Variants in RBPJL observed in about 807,000 individuals in gnomAD.
The protein encoded by RBPJL is recombination signal binding protein for immunoglobulin kappa J region like.
RBPJL carries 50 observed loss-of-function variants against 57.6 expected under a neutral mutation model. The ratio of observed to expected loss-of-function variants is 0.87; its 90% CI spans 0.69 to 1.10. The LOEUF (loss-of-function observed/expected upper bound fraction) is 1.10, where lower values mean the gene tolerates loss of function less well. RBPJL is among the 50% of genes least tolerant of loss of function. The pLI, the probability that RBPJL is intolerant of heterozygous loss-of-function variation, is 0.00. For missense variants in RBPJL, 684 were observed against 693.7 expected, an observed-to-expected ratio of 0.99 and a Z score of 0.16; for synonymous variants, 303 against 294.4, an observed-to-expected ratio of 1.03 and a Z score of -0.30.
intron 7 of RBPJL, 45 bp from the exon 8 acceptor site, chr20:45,313,990 T>C (rs1410625385): frequency 7.2e-7 from 1 of 1,396,462 alleles, no homozygotes; most frequent in East Asian, 2.3e-5. Context: ...GGCAGAAGCT[T>C]GGGGGCCGCT....
intron 7 of RBPJL, 50 bp downstream of exon 7, chr20:45,313,655 TA>T (rs1987310875): frequency 6.6e-7 from 1 of 1,506,126 alleles, no homozygotes. Flanking sequence ...TGCATTAGCT[TA>T]TTTAACCTCC....
rs1023920620 is a variant in RBPJL at position 45,313,462 on chromosome 20, T to G, written c.620-6T>G. ...CTCACCCTAACCCTGACCCTCACCC[T>G]CACAGTGTGCATATCCTCCGGCTCA... is the stretch of plus-strand genomic sequence containing the variant. On this transcript the variant is annotated splice_polypyrimidine_tract_variant and splice_region_variant and intron_variant, in intron 6 of 11. Transcript: ENST00000343694. 7 of 1,606,810 alleles carry G rather than the reference T, an allele frequency of 4.4e-6. No homozygotes were observed. Among genetic ancestry groups the G allele is most frequent in the Non-Finnish European group, 6.0e-6 (7 of 1,176,150 alleles).
chr20:45,307,112 C>A (rs1986776354), intron 1 of RBPJL, among the ~76,000 whole-genome samples, 168 bp downstream of exon 1: 1 of 151,734 alleles, frequency 6.6e-6, no homozygotes, highest in Non-Finnish European at 1.5e-5. Context: ...CCCCTTCTCT[C>A]TCTTGAGGCC....
At chr20:45,309,782 G>C in intron 3 of RBPJL, 90 bp downstream of exon 3, 1 of 1,539,128 alleles carries the variant, frequency 6.5e-7, no homozygotes, top group Non-Finnish European at 8.8e-7. Flanking sequence ...TTTAGACGCA[G>C]AGCAGGCCTC....
Position 45,311,943 on chromosome 20 carries a change from C to A in RBPJL, c.433C>A (p.Pro145Thr). 4 of 1,550,950 alleles carry A rather than the reference C, an allele frequency of 2.6e-6. No individual in the cohort carries two copies. In the South Asian group the frequency reaches 3.6e-5, roughly 14 times the overall value. The change falls in exon 5 of 12, where the codon CCG becomes ACG. Residue 145 changes from proline to threonine, a missense_variant. Physicochemically the swap from Pro to Thr is conservative, Grantham distance 38 (BLOSUM62 -1). Transcript: ENST00000343694. ...ETQKLNFEQQ[P>T]DSREFGCAKT... ...GCAGAAGCTGAATTTCGAGCAGCAG[C>A]CGGACTCCAGGGTGAGAGCGCACGG...
intron 9 of RBPJL, among the ~76,000 whole-genome samples, chr20:45,315,727 C>T (rs1458484385): frequency 5.6e-5 from 7 of 124,178 alleles, no homozygotes; most frequent in Non-Finnish European, 1.1e-4. Flanking sequence ...GGCGACAGAG[C>T]GAGATTCAGT....
In RBPJL at chr20:45,313,592, C is replaced by T; in HGVS notation, c.744C>T (p.Phe248=). ...CCAGTGCACGACAGTGGGCTGCCTT[C>T]ACGCTCCACCTGGGTAATGACATCT... ...FVASARQWAA[F]TLHLADGHSA... The change falls in exon 7 of 12, where the codon TTC becomes TTT. Residue 248 remains phenylalanine, a synonymous_variant. Coordinates refer to ENST00000343694, the MANE Select transcript of RBPJL (RefSeq NM_014276.4). The T allele has an allele frequency of 6.2e-7, 1 of 1,609,702 alleles. No individual in the cohort carries two copies. Among genetic ancestry groups the T allele is most frequent in the South Asian group, 1.1e-5 (1 of 90,514 alleles).
In RBPJL at chr20:45,316,943, T is replaced by C. The variant is rs1295499964; in HGVS notation, c.1538T>C (p.Leu513Pro). ...GAGTTCACGCGCACCAACTTCCACC[T>C]CTTCATCCAGACTTAGGCGCGCCCG... ...HQEFTRTNFHLFIQT is the reference protein window; with the variant it reads ...HQEFTRTNFHPFIQT The change falls in exon 12 of 12, where the codon CTC becomes CCC. Residue 513 changes from leucine to proline, a missense_variant. Coordinates refer to ENST00000343694, the MANE Select transcript of RBPJL (RefSeq NM_014276.4). 1 of 1,612,076 alleles carries C rather than the reference T, an allele frequency of 6.2e-7. No homozygotes were observed. The highest frequency in any genetic ancestry group is 8.5e-7 in the Non-Finnish European group (1 of 1,178,744).
intron 4 of RBPJL, 49 bp from the exon 5 acceptor site, chr20:45,311,790 A>T: frequency 1.3e-6 from 2 of 1,529,282 alleles, no homozygotes; most frequent in Non-Finnish European, 1.8e-6. Context: ...CTTGCCTGGC[A>T]CCTGCGTCCT....
rs1223483260 is a variant in RBPJL, at chr20:45,311,138, G to A, written c.258-451G>A. Among the ~76,000 whole-genome samples the A allele has an allele frequency of 6.2e-5, 9 of 145,366 alleles. No individual in the cohort carries two copies. The South Asian group carries it at 6.5e-4, about 10-fold the overall frequency. Reference sequence around the variant, plus strand: ...CCTCAAAAAAAAAAAAAAAGAAAAAGAAAAAGAAAGAAACAGGAAGGAAGG... The same window carrying A: ...CCTCAAAAAAAAAAAAAAAGAAAAAAAAAAAGAAAGAAACAGGAAGGAAGG... On this transcript the variant is annotated intron_variant, in intron 3 of 11. Transcript: ENST00000343694.
chr20:45,311,449 T>C, intron 3 of RBPJL, 140 bp from the exon 4 acceptor site: 1 of 721,082 alleles, frequency 1.4e-6, no homozygotes, highest in Non-Finnish European at 2.4e-6. Flanking sequence ...ATGAATGGGG[T>C]TTACAGTCGT....
At chr20:45,316,402 G>T in intron 10 of RBPJL, 60 bp downstream of exon 10, 2 of 1,596,576 alleles carry the variant, frequency 1.3e-6, no homozygotes, top group Non-Finnish European at 1.7e-6. Context: ...GGCAGTGGTG[G>T]TGCTAGTGAG....
chr20:45,312,391 C>A lies in RBPJL; in HGVS notation c.615C>A (p.Thr205=). The A allele has an allele frequency of 1.2e-6, 2 of 1,613,012 alleles. No homozygotes were observed. Among genetic ancestry groups the A allele is most frequent in the African/African-American group, 1.3e-5 (1 of 75,044 alleles). The part of the protein sequence containing the change: ...PSQKKQSLKN[T]DLCISSGSKV... ...AGAAGAAGCAGTCGCTGAAAAACAC[C>A]GATCGTGAGCAGGGCGGGGCCTGAC... Residue 205 remains threonine (T), a synonymous_variant, in exon 6 of 12, where the codon ACC becomes ACA. Transcript: ENST00000343694.
intron 1 of RBPJL, 25 bp downstream of exon 1, chr20:45,306,969 C>T: frequency 1.6e-6 from 2 of 1,247,764 alleles, no homozygotes; most frequent in Non-Finnish European, 2.0e-6. Context: ...TCCCGAGGCC[C>T]CGGAGACGCC....
At chr20:45,314,306 T>C (rs982843925) in intron 8 of RBPJL, 107 bp from the exon 9 acceptor site, 2 of 1,359,306 alleles carry the variant, frequency 1.5e-6, no homozygotes, top group Admixed American at 3.6e-5. Context: ...AGGGGGAATC[T>C]GCTAGTGCCT....
At chr20:45,312,841 A>AAAAAAG (rs1987255700) in intron 6 of RBPJL, among the ~76,000 whole-genome samples, 1 of 150,752 alleles carries the variant, frequency 6.6e-6, no homozygotes, top group East Asian at 1.9e-4. Context: ...AAAAAAAAAA[A>AAAAAAG]AAAAAGAAAA....
At chr20:45,313,635 G>T in intron 7 of RBPJL, 30 bp downstream of exon 7, 1 of 1,568,548 alleles carries the variant, frequency 6.4e-7, no homozygotes, top group Non-Finnish European at 8.7e-7. Flanking sequence ...CTGGAGCTGG[G>T]CACTTCACAT....
chr20:45,316,354 C>T lies in RBPJL; in HGVS notation c.1176+12C>T. 1 of 1,612,884 alleles carries T rather than the reference C, an allele frequency of 6.2e-7. No homozygotes were observed. Among genetic ancestry groups the T allele is most frequent in the South Asian group, 1.1e-5 (1 of 91,018 alleles). On this transcript the variant is annotated intron_variant, in intron 10 of 11. Transcript: ENST00000343694. ...TCAGCACCCTAGAGGTGAAGCCGGG[C>T]GCTAGGGGCGTTGGGCAGGGGGACC... is the stretch of plus-strand genomic sequence containing the variant.
rs780047070 is a variant in RBPJL, at chr20:45,313,464, A to T, written c.620-4A>T. 1 of 1,609,020 alleles carries T rather than the reference A, an allele frequency of 6.2e-7. No homozygotes were observed. The highest frequency in any genetic ancestry group is 8.5e-7 in the Non-Finnish European group (1 of 1,177,514). ...CACCCTAACCCTGACCCTCACCCTCACAGTGTGCATATCCTCCGGCTCAAA... is the reference window on the plus strand; with the variant it reads ...CACCCTAACCCTGACCCTCACCCTCTCAGTGTGCATATCCTCCGGCTCAAA... On this transcript the variant is annotated splice_polypyrimidine_tract_variant and splice_region_variant and intron_variant, in intron 6 of 11. Coordinates refer to ENST00000343694, the MANE Select transcript of RBPJL (RefSeq NM_014276.4).
Sources: gnomAD v4.1 joint callset for allele counts (sites outside exome capture counted in the v4.1 genomes callset) on GRCh38, gnomAD v4.1.1 for gene constraint, MANE v1.5 for transcripts, NCBI Gene and HGNC (gene_info 2026-07-23, HGNC 2026-07-21) for gene names.